PARD3: variants seen among roughly 807,000 people sequenced by gnomAD.
PARD3 encodes the protein par-3 family cell polarity regulator, also known as partitioning defective 3 homolog.
In PARD3, 75 loss-of-function variants were observed where a neutral mutation model predicts 155.4. The observed-to-expected ratio is 0.48, with a 90% CI of 0.40 to 0.58. The LOEUF (loss-of-function observed/expected upper bound fraction) is 0.58, where lower values mean the gene tolerates loss of function less well. Ranked by LOEUF, PARD3 falls within the 20% of genes least tolerant of loss-of-function variation. The probability of loss-of-function intolerance (pLI) is 0.00; values close to 1 mark genes in which losing one functional copy is unlikely to be tolerated. For missense variants in PARD3, 1,642 were observed against 1,721.7 expected, an observed-to-expected ratio of 0.95 and a Z score of 0.82; for synonymous variants, 576 against 610.5, an observed-to-expected ratio of 0.94 and a Z score of 0.83.
chr10:34,814,825 G>A (rs1258830905), intron 1 of PARD3, 51 bp downstream of exon 1: 3 of 1,300,244 alleles, frequency 2.3e-6, no homozygotes, highest in Non-Finnish European at 3.2e-6. Flanking sequence ...TATTGATCCC[G>A]GCGCCGTCCC....
At chr10:34,686,678 T>C (rs1431943577) in intron 2 of PARD3, among the ~76,000 whole-genome samples, 1 of 150,882 alleles carries the variant, frequency 6.6e-6, no homozygotes, top group Admixed American at 6.6e-5. Flanking sequence ...GGGAAGGAGG[T>C]TGCAGTGAAC....
intron 2 of PARD3, among the ~76,000 whole-genome samples, chr10:34,533,400 C>T (rs562971266): frequency 1.3e-5 from 2 of 152,172 alleles, no homozygotes; most frequent in South Asian, 4.2e-4. Flanking sequence ...ATGCAACAAA[C>T]CTGCACATAT....
intron 22 of PARD3, among the ~76,000 whole-genome samples, chr10:34,200,582 A>C (rs1951164601): frequency 6.6e-6 from 1 of 152,214 alleles, no homozygotes; most frequent in Admixed American, 6.5e-5. Context: ...CCCATCCATC[A>C]CATGGCTTAG....
At chr10:34,398,091 C>A (rs1022694667) in intron 7 of PARD3, among the ~76,000 whole-genome samples, 1 of 152,070 alleles carries the variant, frequency 6.6e-6, no homozygotes, top group African/African-American at 2.4e-5. Flanking sequence ...GAATATAACA[C>A]CACTTGAAAA....
At chr10:34,539,809 C>A (rs2083475644) in intron 2 of PARD3, among the ~76,000 whole-genome samples, 1 of 152,194 alleles carries the variant, frequency 6.6e-6, no homozygotes, top group Admixed American at 6.5e-5. Context: ...TCAGGGACAT[C>A]CCATTGGCTT....
At chr10:34,608,725 G>C (rs940162393) in intron 2 of PARD3, among the ~76,000 whole-genome samples, 7 of 151,828 alleles carry the variant, frequency 4.6e-5, no homozygotes, top group African/African-American at 1.7e-4. Flanking sequence ...GTAGAGATGG[G>C]CTTTCTCCAT....
intron 3 of PARD3, among the ~76,000 whole-genome samples, chr10:34,499,243 A>G (rs1268746375): frequency 6.6e-6 from 1 of 152,226 alleles, no homozygotes; most frequent in Non-Finnish European, 1.5e-5. Flanking sequence ...AACAAAATGC[A>G]GCAGTCTAGA....
intron 20 of PARD3, among the ~76,000 whole-genome samples, chr10:34,286,721 A>C (rs1283770561): frequency 6.6e-6 from 1 of 152,228 alleles, no homozygotes; most frequent in Non-Finnish European, 1.5e-5. Flanking sequence ...ATGACATGAA[A>C]AGCCACTGAA....
rs545357583 is a variant in PARD3 at position 34,416,214 on chromosome 10, T to C, written c.715-14297A>G. ...CAAGATGTAAATGGGAAATAGAGTT[T>C]ACTGGGGAAGGTGTCACAGGTAGGG... On this transcript the variant is annotated intron_variant, in intron 5 of 24. Coordinates refer to ENST00000374788, the MANE Select transcript of PARD3 (RefSeq NM_001184785.2). Among the ~76,000 whole-genome samples the C allele has an allele frequency of 9.3e-4, 142 of 152,276 alleles. No individual in the cohort carries two copies. In the South Asian group the frequency reaches 0.027, roughly 29 times the overall value.
chr10:34,473,890 C>A (rs750061648), intron 3 of PARD3, among the ~76,000 whole-genome samples: 1 of 152,204 alleles, frequency 6.6e-6, no homozygotes, highest in Non-Finnish European at 1.5e-5. Context: ...CCATAGAGCA[C>A]CCCTGCTCTG....
chr10:34,691,876 G>A (rs1254310473), intron 2 of PARD3, among the ~76,000 whole-genome samples: 1 of 152,192 alleles, frequency 6.6e-6, no homozygotes, highest in African/African-American at 2.4e-5. Context: ...ATGGTGCTGG[G>A]ATAACAGGCT....
intron 3 of PARD3, among the ~76,000 whole-genome samples, chr10:34,472,157 T>C (rs1444083792): frequency 6.6e-6 from 1 of 152,194 alleles, no homozygotes; most frequent in Non-Finnish European, 1.5e-5. Flanking sequence ...TGAGCAACGT[T>C]ACTAGGGCAA....
At position 34,653,929 on chromosome 10, in the gene PARD3, T is replaced by C. The variant is rs2093091107; in HGVS notation, c.222+42389A>G. Among the ~76,000 whole-genome samples, 6 of 152,202 alleles carry C rather than the reference T, an allele frequency of 3.9e-5. No individual in the cohort carries two copies. In the South Asian group the frequency reaches 1.2e-3, roughly 32 times the overall value. ...GACTTAGATTACTTGGAGATGTGAT[T>C]ACAGGGCTGAAAGAGAAATGTTTGT... is the stretch of plus-strand genomic sequence containing the variant. On this transcript the variant is annotated intron_variant, in intron 2 of 24. Coordinates refer to ENST00000374788, the MANE Select transcript of PARD3 (RefSeq NM_001184785.2).
chr10:34,124,964 C>T (rs1947197254), intron 23 of PARD3, among the ~76,000 whole-genome samples: 1 of 152,118 alleles, frequency 6.6e-6, no homozygotes, highest in Non-Finnish European at 1.5e-5. Flanking sequence ...GGCTGAGGGA[C>T]AGGTCACAGG....
chr10:34,653,934 G>A (rs1022254049), intron 2 of PARD3, among the ~76,000 whole-genome samples: 1 of 152,094 alleles, frequency 6.6e-6, no homozygotes, highest in African/African-American at 2.4e-5. Context: ...GTGATTACAG[G>A]GCTGAAAGAG....
In PARD3 at chr10:34,241,473, A is replaced by G. The variant is rs112724671; in HGVS notation, c.3419+28184T>C. The stretch of plus-strand genomic sequence containing the variant: ...AGGGCACAGGGTGTCTAGTGTTCAC[A>G]GAAGTGAAAAAGCAAAGACAGGTCC... On this transcript the variant is annotated intron_variant, in intron 22 of 24. Coordinates refer to ENST00000374788, the MANE Select transcript of PARD3 (RefSeq NM_001184785.2). Among the ~76,000 whole-genome samples the G allele has an allele frequency of 1.6e-4, 24 of 152,310 alleles. 1 individual carries two copies. The highest frequency in any genetic ancestry group is 5.1e-4 in the African/African-American group (21 of 41,566).
chr10:34,556,572 C>T (rs1484232953), intron 2 of PARD3, among the ~76,000 whole-genome samples: 2 of 151,862 alleles, frequency 1.3e-5, no homozygotes, highest in Non-Finnish European at 2.9e-5. Context: ...TTAGTGGAGA[C>T]GGGGTTTCAC....
intron 22 of PARD3, among the ~76,000 whole-genome samples, chr10:34,248,816 C>T (rs1012021438): frequency 6.6e-6 from 1 of 152,218 alleles, no homozygotes; most frequent in Non-Finnish European, 1.5e-5. Flanking sequence ...AAAATTCATA[C>T]TCACACAAAG....
chr10:34,713,034 C>T (rs1444625372), intron 1 of PARD3, among the ~76,000 whole-genome samples: 1 of 151,880 alleles, frequency 6.6e-6, no homozygotes, highest in Non-Finnish European at 1.5e-5. Context: ...CATGGTGAAA[C>T]CCCGTCTCTA....
Sources: allele counts gnomAD v4.1 joint callset (sites outside exome capture counted in the v4.1 genomes callset), GRCh38; gene constraint gnomAD v4.1.1; transcripts MANE v1.5; gene names NCBI Gene and HGNC (gene_info 2026-07-23, HGNC 2026-07-21).